CNTN4: variants seen among roughly 807,000 people sequenced by gnomAD.
CNTN4 encodes contactin 4, also known as contactin-4.
In CNTN4, 77 loss-of-function variants were observed where a neutral mutation model predicts 122.5. The ratio of observed to expected loss-of-function variants is 0.63; its 90% CI spans 0.52 to 0.76. The LOEUF (loss-of-function observed/expected upper bound fraction) is 0.76, where lower values mean the gene tolerates loss of function less well. Ranked by LOEUF, CNTN4 falls within the 30% of genes least tolerant of loss-of-function variation. The pLI, the probability that CNTN4 is intolerant of heterozygous loss-of-function variation, is 0.00. For synonymous variants in CNTN4, 512 were observed against 447.0 expected (o/e 1.15, Z -1.83); for missense variants, 1,256 against 1,259.1 (o/e 1.00, Z 0.04).
In CNTN4 at chr3:3,056,544, G is replaced by A. The variant is rs180983139; in HGVS notation, c.*324G>A. 503 of 164,600 alleles carry A rather than the reference G, an allele frequency of 3.1e-3. 13 individuals carry two copies. The highest frequency in any genetic ancestry group is 6.5e-4 in the Non-Finnish European group (49 of 75,598). 10.2% of individuals were successfully genotyped at this position (164,600 alleles called of 1,614,324 possible). On this transcript the variant is annotated 3_prime_UTR_variant, in exon 25 of 25. Transcript: ENST00000418658. ...GAATTTTTTAAAGTTAACATATAAT[G>A]TAGATATTAATTTTTTCCTCGGCTG...
intron 12 of CNTN4, among the ~76,000 whole-genome samples, chr3:2,922,229 G>T (rs185471015): frequency 1.3e-5 from 2 of 152,214 alleles, no homozygotes; most frequent in Non-Finnish European, 2.9e-5. Context: ...GCCAGCGAAG[G>T]TTAGATTCTA....
chr3:2,203,025 G>T (rs1250869757), intron 2 of CNTN4, among the ~76,000 whole-genome samples: 2 of 151,584 alleles, frequency 1.3e-5, no homozygotes, highest in Non-Finnish European at 2.9e-5. Flanking sequence ...GTGGAGATGG[G>T]GTTTCACCAT....
At chr3:3,034,982 T>A (rs566322796) in intron 17 of CNTN4, among the ~76,000 whole-genome samples, 192 bp downstream of exon 17, 2 of 152,298 alleles carry the variant, frequency 1.3e-5, no homozygotes, top group South Asian at 4.1e-4. Context: ...TGGGTTTTTT[T>A]AAACTCATCC....
intron 2 of CNTN4, among the ~76,000 whole-genome samples, chr3:2,120,373 AAATATATATAT>A (rs2033652319): frequency 6.8e-5 from 3 of 44,096 alleles, no homozygotes; most frequent in African/African-American, 1.4e-4. Context: ...ATATATATAT[AAATATATATAT>A]ATATATATAT....
chr3:2,887,721 AC>A (rs1271920515), intron 10 of CNTN4, among the ~76,000 whole-genome samples: 2 of 152,164 alleles, frequency 1.3e-5, no homozygotes, highest in Non-Finnish European at 2.9e-5. Context: ...TCAGAGTGGA[AC>A]GTGACAAATC....
At chr3:2,933,822 A>G (rs935394035) in intron 13 of CNTN4, among the ~76,000 whole-genome samples, 2 of 152,210 alleles carry the variant, frequency 1.3e-5, no homozygotes, top group Non-Finnish European at 1.5e-5. Context: ...ACATCAGTAG[A>G]TAAGAAGCCA....
chr3:2,853,832 A>T (rs2093586664), intron 7 of CNTN4, among the ~76,000 whole-genome samples: 1 of 152,208 alleles, frequency 6.6e-6, no homozygotes, highest in Admixed American at 6.5e-5. Flanking sequence ...ATCCTCACTG[A>T]ACCAATCACT....
chr3:2,444,540 TGGCGAGTGTAGAGGCTGACA>T (rs1387027801), intron 3 of CNTN4, among the ~76,000 whole-genome samples: 1 of 152,120 alleles, frequency 6.6e-6, no homozygotes, highest in African/African-American at 2.4e-5. Flanking sequence ...GTGGCAGAAA[TGGCGAGTGTAGAGGCTGACA>T]GGGATCAGAT....
chr3:2,476,115 A>G (rs191468983), intron 3 of CNTN4, among the ~76,000 whole-genome samples: 2 of 152,344 alleles, frequency 1.3e-5, no homozygotes, highest in Admixed American at 6.5e-5. Context: ...CTGGTGGGCC[A>G]GAGGACTCCT....
In CNTN4 at chr3:2,988,330, T is replaced by C; in HGVS notation, c.1359-15T>C. ...ATAAATTTCACCATTTTTGGTTCAT[T>C]TACTTTGATTTCAGAATTACCATTT... On this transcript the variant is annotated splice_polypyrimidine_tract_variant and intron_variant, in intron 13 of 24. Coordinates refer to ENST00000418658, the MANE Select transcript of CNTN4 (RefSeq NM_175607.3). The C allele has an allele frequency of 6.2e-7, 1 of 1,613,296 alleles. No homozygotes were observed.
chr3:2,868,849 G>C (rs1484299907), intron 8 of CNTN4, among the ~76,000 whole-genome samples: 1 of 152,044 alleles, frequency 6.6e-6, no homozygotes, highest in Non-Finnish European at 1.5e-5. Flanking sequence ...TGGTGGGTTT[G>C]GGGGGTGGTG....
At chr3:2,676,436 G>T (rs1431773842) in intron 4 of CNTN4, among the ~76,000 whole-genome samples, 1 of 152,182 alleles carries the variant, frequency 6.6e-6, no homozygotes, top group African/African-American at 2.4e-5. Context: ...TGGCCAGACT[G>T]GCGTCAAACT....
At chr3:2,152,750 C>T (rs2035549834) in intron 2 of CNTN4, among the ~76,000 whole-genome samples, 1 of 152,162 alleles carries the variant, frequency 6.6e-6, no homozygotes, top group African/African-American at 2.4e-5. Flanking sequence ...CTGAGTTAGG[C>T]TTGGCAGTAC....
intron 3 of CNTN4, among the ~76,000 whole-genome samples, chr3:2,481,315 A>AT: frequency 6.6e-6 from 1 of 151,730 alleles, no homozygotes; most frequent in Non-Finnish European, 1.5e-5. Flanking sequence ...TAATTTTTGT[A>AT]TTTTTAGTAG....
chr3:2,580,571 C>T (rs1011378905), intron 4 of CNTN4, among the ~76,000 whole-genome samples: 4 of 152,200 alleles, frequency 2.6e-5, no homozygotes, highest in Non-Finnish European at 5.9e-5. Context: ...GCAAACTCCC[C>T]TTGCTGATTT....
At chr3:2,705,876 ATT>A (rs374855392) in intron 4 of CNTN4, among the ~76,000 whole-genome samples, 7,269 of 89,034 alleles carry the variant, frequency 0.082, 418 homozygotes, top group African/African-American at 0.19. Context: ...TATAATATAT[ATT>A]TTTTATATAA....
chr3:2,276,453 C>T (rs916252337), intron 2 of CNTN4, among the ~76,000 whole-genome samples: 3 of 152,074 alleles, frequency 2.0e-5, no homozygotes, highest in East Asian at 1.9e-4. Flanking sequence ...GGATTACAGG[C>T]GTGAGCCACT....
intron 7 of CNTN4, among the ~76,000 whole-genome samples, chr3:2,849,100 G>T (rs1398043610): frequency 6.6e-6 from 1 of 152,206 alleles, no homozygotes; most frequent in Non-Finnish European, 1.5e-5. Flanking sequence ...TGTGAGAGGT[G>T]TATACCATGT....
chr3:2,270,646 G>C (rs1284944624), intron 2 of CNTN4, among the ~76,000 whole-genome samples: 2 of 143,694 alleles, frequency 1.4e-5, no homozygotes, highest in African/African-American at 2.5e-5. Flanking sequence ...ACAAGGAGGG[G>C]GGAAAATATT....
Sources: allele counts gnomAD v4.1 joint callset (sites outside exome capture counted in the v4.1 genomes callset), GRCh38; gene constraint gnomAD v4.1.1; transcripts MANE v1.5; gene names NCBI Gene and HGNC (gene_info 2026-07-23, HGNC 2026-07-21).